Variants in SLC5A1 observed in about 807,000 individuals in gnomAD.
SLC5A1 encodes sodium/glucose cotransporter 1.
SLC5A1 carries 42 observed loss-of-function variants against 73.5 expected under a neutral mutation model. The observed-to-expected ratio is 0.57, with a 90% confidence interval of 0.45 to 0.74. The LOEUF is 0.74. SLC5A1 is among the 30% of genes least tolerant of loss of function. SLC5A1 has a pLI of 0.00. For missense variants in SLC5A1, 634 were observed against 855.4 expected (o/e 0.74, Z 3.23); for synonymous variants, 300 against 317.4 (o/e 0.95, Z 0.58).
intron 5 of SLC5A1, among the ~76,000 whole-genome samples, chr22:32,074,230 G>A (rs2093987305): frequency 6.6e-6 from 1 of 152,126 alleles, no homozygotes; most frequent in Non-Finnish European, 1.5e-5. Flanking sequence ...GGGGTGGCAG[G>A]GGTGGTCATA....
chr22:32,077,005 G>A lies in SLC5A1; in HGVS notation c.478-4861G>A, dbSNP rs547243319. ...GCCAAGCCCATTGTTTGTGTTGTCT[G>A]TGGCTGCTTTTATGCTTTAACAACA... On this transcript the variant is annotated intron_variant, in intron 5 of 14. Coordinates refer to ENST00000266088, the MANE Select transcript of SLC5A1 (RefSeq NM_000343.4). 4.5e-4 allele frequency among the ~76,000 whole-genome samples: 68 copies of A among 152,212 alleles called. 1 individual carries two copies. Among genetic ancestry groups the A allele is most frequent in the Non-Finnish European group, 1.0e-4 (7 of 68,036 alleles).
At chr22:32,101,910 C>T in intron 12 of SLC5A1, 112 bp from the exon 13 acceptor site, 1 of 822,110 alleles carries the variant, frequency 1.2e-6, no homozygotes, top group South Asian at 1.4e-5. Context: ...CTGGAGCTAC[C>T]ACTTCTCCTA....
At chr22:32,082,037 A>G in intron 6 of SLC5A1, 66 bp downstream of exon 6, 1 of 997,650 alleles carries the variant, frequency 1.0e-6, no homozygotes, top group African/African-American at 1.6e-5. Flanking sequence ...TGAAGGATAA[A>G]GGGAAGTAGG....
Position 32,110,535 on chromosome 22 carries a change from G to A in SLC5A1, c.*322G>A, listed in dbSNP as rs1462191750. On this transcript the variant is annotated 3_prime_UTR_variant, in exon 15 of 15. Coordinates refer to ENST00000266088, the MANE Select transcript of SLC5A1 (RefSeq NM_000343.4). ...CGTGAGTCTGTCTCAGGTAGATTCCGGGTGTCAGTGTGGTTTATAATCCTT... is the reference window on the plus strand; with the variant it reads ...CGTGAGTCTGTCTCAGGTAGATTCCAGGTGTCAGTGTGGTTTATAATCCTT... 3.4e-5 allele frequency: 14 copies of A among 416,140 alleles called. No individual in the cohort carries two copies. The highest frequency in any genetic ancestry group is 8.9e-5 in the South Asian group (4 of 44,966). The allele number at this position is 416,140 out of a possible 1,614,324, so 25.8% of individuals were successfully genotyped here.
chr22:32,091,570 G>A, intron 10 of SLC5A1, 42 bp from the exon 11 acceptor site: 2 of 1,611,454 alleles, frequency 1.2e-6, no homozygotes, highest in Non-Finnish European at 1.7e-6. Context: ...CAAAAGAGCT[G>A]AAGGTGCTGT....
rs200276021 is a variant in SLC5A1, at chr22:32,083,099, G to A, written c.609G>A (p.Thr203=). The A allele has an allele frequency of 2.3e-5, 37 of 1,614,040 alleles. No individual in the cohort carries two copies. The highest frequency in any genetic ancestry group is 2.2e-4 in the Admixed American group (13 of 60,000). ...GGGGCCTGGCGGCGGTGATTTACAC[G>A]GACACCTTGCAGACGGTGATCATGC... The part of the protein sequence containing the change: ...ITGGLAAVIY[T]DTLQTVIMLV... The change falls in exon 7 of 15, where the codon ACG becomes ACA. Residue 203 remains threonine (T), a synonymous_variant. Coordinates refer to ENST00000266088, the MANE Select transcript of SLC5A1 (RefSeq NM_000343.4).
At chr22:32,067,860 G>T in intron 3 of SLC5A1, 107 bp from the exon 4 acceptor site, 1 of 1,149,478 alleles carries the variant, frequency 8.7e-7, no homozygotes, top group Non-Finnish European at 1.3e-6. Flanking sequence ...GCTCCTTAGG[G>T]GAGAACATGC....
intron 10 of SLC5A1, among the ~76,000 whole-genome samples, chr22:32,091,145 G>A (rs1222404500): frequency 6.7e-6 from 1 of 148,276 alleles, no homozygotes; most frequent in Admixed American, 6.7e-5. Flanking sequence ...TCAGATACAT[G>A]ATTTGCACGT....
intron 2 of SLC5A1, among the ~76,000 whole-genome samples, chr22:32,062,796 C>A (rs1229666250): frequency 2.0e-5 from 3 of 152,144 alleles, no homozygotes; most frequent in African/African-American, 7.2e-5. Context: ...GTTCCAGCAA[C>A]AGGAGTGGCA....
chr22:32,102,407 T>G (rs1264929599), intron 13 of SLC5A1, among the ~76,000 whole-genome samples, 170 bp downstream of exon 13: 1 of 152,140 alleles, frequency 6.6e-6, no homozygotes. Flanking sequence ...ATCAGGGTAA[T>G]TGGGGTGTCC....
intron 6 of SLC5A1, 26 bp from the exon 7 acceptor site, chr22:32,083,048 G>A: frequency 6.2e-7 from 1 of 1,609,384 alleles, no homozygotes; most frequent in South Asian, 1.1e-5. Flanking sequence ...CACGAGGTCA[G>A]ATGTGTTGTC....
Position 32,091,672 on chromosome 22 carries a change from T to C in SLC5A1, c.1190T>C (p.Ile397Thr). 1 of 1,614,124 alleles carries C rather than the reference T, an allele frequency of 6.2e-7. No individual in the cohort carries two copies. The highest frequency in any genetic ancestry group is 8.5e-7 in the Non-Finnish European group (1 of 1,180,006). ...LASLMSSLTS[I>T]FNSASTLFTM... ...TCCCTCATGAGCTCCCTGACCTCCA[T>C]CTTCAACAGCGCCAGCACCCTCTTC... is the stretch of plus-strand genomic sequence containing the variant. The change falls in exon 11 of 15, where the codon ATC becomes ACC. Residue 397 changes from isoleucine (I) to threonine (T), a missense_variant. By Grantham distance (89) the Ile-to-Thr change is moderately conservative. Coordinates refer to ENST00000266088, the MANE Select transcript of SLC5A1 (RefSeq NM_000343.4).
chr22:32,084,061 C>G (rs118182571), intron 7 of SLC5A1, among the ~76,000 whole-genome samples: 6,442 of 152,262 alleles, frequency 0.042, 179 homozygotes, highest in Middle Eastern at 0.065. Flanking sequence ...AGGCCTGAGT[C>G]CAAGGCTCCA....
At chr22:32,059,253 A>C in intron 2 of SLC5A1, 1 of 985,478 alleles carries the variant, frequency 1.0e-6, no homozygotes, top group Non-Finnish European at 1.2e-6. Context: ...TTTGAAGGCT[A>C]GAAGGTATTT....
At chr22:32,099,098 AAAAAAAAAT>A (rs1329414564) in intron 11 of SLC5A1, 76 bp from the exon 12 acceptor site, 80 of 164,432 alleles carry the variant, frequency 4.9e-4, no homozygotes, top group African/African-American at 2.3e-3. Context: ...AAAAAAAAAA[AAAAAAAAAT>A]ATATATATAT....
chr22:32,056,022 T>G (rs900029297), intron 2 of SLC5A1, among the ~76,000 whole-genome samples: 1 of 152,114 alleles, frequency 6.6e-6, no homozygotes, highest in Non-Finnish European at 1.5e-5. Flanking sequence ...GCGTATGTTT[T>G]TTGTTGTTGT....
At chr22:32,081,718 CCT>C (rs1297197126) in intron 5 of SLC5A1, 146 bp from the exon 6 acceptor site, 6 of 717,294 alleles carry the variant, frequency 8.4e-6, no homozygotes, top group East Asian at 5.0e-5. Context: ...ATTTTATAGA[CCT>C]TTTTGACCAT....
chr22:32,104,277 G>A (rs141275883), intron 13 of SLC5A1, among the ~76,000 whole-genome samples: 6,431 of 152,278 alleles, frequency 0.042, 179 homozygotes, highest in Middle Eastern at 0.065. Context: ...GCCCTAGACC[G>A]AGTTCATGCT....
rs139595102 is a variant in SLC5A1 at position 32,060,186 on chromosome 22, C to CAT, written c.208-6736_208-6735dup. On this transcript the variant is annotated intron_variant, in intron 2 of 14. Coordinates refer to ENST00000266088, the MANE Select transcript of SLC5A1 (RefSeq NM_000343.4). ...ACACACACACACACACACACACACA[C>CAT]ATATATATATATATTTTTTTAAGAG... 1.0e-4 allele frequency among the ~76,000 whole-genome samples: 9 copies of CAT among 88,758 alleles called. 1 individual carries two copies. The highest frequency in any genetic ancestry group is 9.8e-3 in the Middle Eastern group (2 of 204). The allele number at this position is 88,758 out of a possible 152,430, so 58.2% of individuals were successfully genotyped here.
Sources: allele counts gnomAD v4.1 joint callset (sites outside exome capture counted in the v4.1 genomes callset), GRCh38; gene constraint gnomAD v4.1.1; transcripts MANE v1.5; gene names NCBI Gene and HGNC (gene_info 2026-07-23, HGNC 2026-07-21).